The following TAS1R2 variants were observed in gnomAD, a reference collection of about 807,000 sequenced individuals.
TAS1R2 encodes taste receptor type 1 member 2.
A neutral mutation model predicts 49.3 loss-of-function variants in TAS1R2; 47 were observed. The ratio of observed to expected loss-of-function variants is 0.95; its 90% CI spans 0.75 to 1.22. TAS1R2 has a LOEUF of 1.22. Among genes scored for constraint, TAS1R2 ranks in the 50% most tolerant of loss-of-function variants. The probability of loss-of-function intolerance (pLI) is 0.00; values close to 1 mark genes in which losing one functional copy is unlikely to be tolerated. For synonymous variants in TAS1R2, 479 were observed against 467.9 expected, an observed-to-expected ratio of 1.02 and a Z score of -0.31; for missense variants, 1,155 against 1,122.1, an observed-to-expected ratio of 1.03 and a Z score of -0.42.
chr1:18,855,132 T>C, intron 2 of TAS1R2, 146 bp from the exon 3 acceptor site: 1 of 1,006,966 alleles, frequency 9.9e-7, no homozygotes, highest in Non-Finnish European at 1.4e-6. Context: ...TCAATCATCA[T>C]GGTCCCCAGG....
chr1:18,839,617 G>A (rs780376767), exon 6 of TAS1R2: 2 of 1,614,122 alleles, frequency 1.2e-6, no homozygotes, highest in Non-Finnish European at 1.7e-6. Flanking sequence ...TCCTCATGGT[G>A]TAGCCCTGGA....
exon 6 of TAS1R2, chr1:18,840,116 G>T (rs1557594582): frequency 1.2e-6 from 2 of 1,614,288 alleles, no homozygotes; most frequent in African/African-American, 2.7e-5. Flanking sequence ...GTAGCTGTAG[G>T]CGCGTGGGAA....
intron 4 of TAS1R2, among the ~76,000 whole-genome samples, chr1:18,844,392 T>A (rs1193511037): frequency 6.6e-6 from 1 of 152,166 alleles, no homozygotes; most frequent in Admixed American, 6.5e-5. Context: ...AGCATGAAGA[T>A]CTCTGTGTCT....
chr1:18,841,486 G>T (rs964921920), intron 5 of TAS1R2, among the ~76,000 whole-genome samples: 2 of 152,208 alleles, frequency 1.3e-5, no homozygotes, highest in Non-Finnish European at 1.5e-5. Flanking sequence ...AGTCCAGCGT[G>T]GGGGAGTGTC....
intron 4 of TAS1R2, among the ~76,000 whole-genome samples, chr1:18,845,799 G>A (rs1292165949): frequency 6.6e-6 from 1 of 152,148 alleles, no homozygotes; most frequent in African/African-American, 2.4e-5. Context: ...GAAATGCAAG[G>A]CAACTAAGGG....
Position 18,854,597 on chromosome 1 carries a change from C to T in TAS1R2, c.873G>A (p.Gln291=). The change falls in exon 3 of 6, where the codon CAG becomes CAA. Residue 291 remains glutamine (Q), a synonymous_variant. Transcript: ENST00000375371. This position sits in a 1 kb window ranked among gnomAD's most constrained non-coding sequence, Gnocchi z 4.9. ...CGATCCACACGGCGCCAGTGAAGTTCTGGCGCAGCACCTCATTGAAGAAGT... is the reference window on the plus strand; with the variant it reads ...CGATCCACACGGCGCCAGTGAAGTTTTGGCGCAGCACCTCATTGAAGAAGT... 1 of 1,613,962 alleles carries T rather than the reference C, an allele frequency of 6.2e-7. No individual in the cohort carries two copies. The highest frequency in any genetic ancestry group is 8.5e-7 in the Non-Finnish European group (1 of 1,179,910).
intron 2 of TAS1R2, 102 bp downstream of exon 2, chr1:18,857,229 A>G: frequency 7.5e-7 from 1 of 1,332,376 alleles, no homozygotes; most frequent in Admixed American, 2.4e-5. Context: ...TGGTCCTATC[A>G]TCACCTCCCA....
At position 18,841,903 on chromosome 1, in the gene TAS1R2, G is replaced by T. The variant is rs1362251375; in HGVS notation, c.1468-51C>A. Reference sequence around the variant, plus strand: ...TGAGTCCTCTTTTCCCACATTCTGGGGGCCCCCTCCCCTCTCCAACCAGCA... The same window carrying T: ...TGAGTCCTCTTTTCCCACATTCTGGTGGCCCCCTCCCCTCTCCAACCAGCA... On this transcript the variant is annotated intron_variant, in intron 4 of 5. Transcript: ENST00000375371. 4 of 1,514,310 alleles carry T rather than the reference G, an allele frequency of 2.6e-6. No homozygotes were observed. The African/African-American group carries it at 4.1e-5, about 16-fold the overall frequency. 93.8% of individuals were successfully genotyped at this position (1,514,310 alleles called of 1,614,324 possible).
intron 4 of TAS1R2, among the ~76,000 whole-genome samples, chr1:18,847,212 G>T (rs1933937164): frequency 6.6e-6 from 1 of 152,148 alleles, no homozygotes; most frequent in African/African-American, 2.4e-5. Flanking sequence ...CTACAGTCAA[G>T]GAATATCAAA....
intron 1 of TAS1R2, among the ~76,000 whole-genome samples, chr1:18,858,630 GTCA>G (rs1318257955): frequency 8.6e-5 from 13 of 151,748 alleles, no homozygotes; most frequent in African/African-American, 3.1e-4. Flanking sequence ...TTTTATCATT[GTCA>G]TCATCACCAG....
chr1:18,857,625 T>C, exon 2 of TAS1R2: 1 of 1,611,642 alleles, frequency 6.2e-7, no homozygotes, highest in Non-Finnish European at 8.5e-7. Context: ...TCACCTTCAC[T>C]TCATACCTGG....
intron 2 of TAS1R2, among the ~76,000 whole-genome samples, chr1:18,855,193 C>T (rs1461198033): frequency 6.6e-6 from 1 of 152,162 alleles, no homozygotes; most frequent in Non-Finnish European, 1.5e-5. Flanking sequence ...GGCCAGGTGC[C>T]TTATCTCAGT....
chr1:18,851,061 G>C (rs1239840250), intron 3 of TAS1R2, among the ~76,000 whole-genome samples: 3 of 152,200 alleles, frequency 2.0e-5, no homozygotes, highest in Admixed American at 2.0e-4. Context: ...AATTTGCCCA[G>C]GTTTGCACAG....
In TAS1R2 at chr1:18,854,586, C is replaced by A. The variant is rs1934097995; in HGVS notation, c.884G>T (p.Gly295Val). The A allele has an allele frequency of 6.2e-7, 1 of 1,613,854 alleles. No individual in the cohort carries two copies. Among genetic ancestry groups the A allele is most frequent in the African/African-American group, 1.3e-5 (1 of 74,918 alleles). Residue 295 changes from glycine (G) to valine (V), a missense_variant, in exon 3 of 6, where the codon GGC becomes GTC. Gly to Val is a moderately radical substitution (Grantham distance 109). Transcript: ENST00000375371. This position sits in a 1 kb window ranked among gnomAD's most constrained non-coding sequence, Gnocchi z 4.9. ...GGACTCGGAGGCGATCCACACGGCGCCAGTGAAGTTCTGGCGCAGCACCTC... is the reference window on the plus strand; with the variant it reads ...GGACTCGGAGGCGATCCACACGGCGACAGTGAAGTTCTGGCGCAGCACCTC...
chr1:18,848,057 C>T (rs551942379), intron 4 of TAS1R2, among the ~76,000 whole-genome samples: 2 of 152,336 alleles, frequency 1.3e-5, no homozygotes, highest in South Asian at 4.1e-4. Flanking sequence ...CTGGATCCCT[C>T]TCACAACATG....
intron 3 of TAS1R2, 136 bp from the exon 4 acceptor site, chr1:18,849,686 A>G: frequency 2.0e-6 from 2 of 985,614 alleles, no homozygotes; most frequent in East Asian, 2.6e-5. Context: ...TAAATCTCCG[A>G]AAGGGTGGCA....
At chr1:18,841,759 G>A in exon 5 of TAS1R2, 1 of 1,613,958 alleles carries the variant, frequency 6.2e-7, no homozygotes, top group Non-Finnish European at 8.5e-7. Context: ...GTGCCGGGAA[G>A]GCAGTCGATG....
intron 4 of TAS1R2, among the ~76,000 whole-genome samples, chr1:18,843,623 A>T (rs558110718): frequency 2.0e-5 from 3 of 152,360 alleles, no homozygotes; most frequent in African/African-American, 7.2e-5. Context: ...CGATCCTGCC[A>T]CTGGGGCCAC....
intron 4 of TAS1R2, among the ~76,000 whole-genome samples, chr1:18,846,525 A>C (rs183691314): frequency 6.6e-6 from 1 of 152,342 alleles, no homozygotes; most frequent in African/African-American, 2.4e-5. Context: ...TCTGGGAGAC[A>C]CCAAAGCTAA....
Sources: allele counts gnomAD v4.1 joint callset (sites outside exome capture counted in the v4.1 genomes callset), GRCh38; gene constraint gnomAD v4.1.1; non-coding constraint Gnocchi (gnomAD v3.1); transcripts MANE v1.5; gene names NCBI Gene and HGNC (gene_info 2026-07-23, HGNC 2026-07-21).